The following ITGB1 variants were observed in gnomAD, a reference collection of about 807,000 sequenced individuals.
ITGB1 encodes integrin subunit beta 1, also known as integrin beta-1.
ITGB1 carries 24 observed loss-of-function variants against 86.5 expected under a neutral mutation model. That is an observed-to-expected ratio of 0.28 (90% CI 0.20 to 0.39). The LOEUF is 0.39. Ranked by LOEUF, ITGB1 falls within the 10% of genes least tolerant of loss-of-function variation. The probability of loss-of-function intolerance (pLI) is 1.00; values close to 1 mark genes in which losing one functional copy is unlikely to be tolerated. For synonymous variants in ITGB1, 323 were observed against 316.8 expected (o/e 1.02, Z -0.21); for missense variants, 556 against 946.9 (o/e 0.59, Z 5.42).
chr10:32,926,284 T>C (rs1400670227), intron 5 of ITGB1, among the ~76,000 whole-genome samples, 175 bp from the exon 6 acceptor site: 1 of 152,200 alleles, frequency 6.6e-6, no homozygotes, highest in African/African-American at 2.4e-5. Flanking sequence ...ATGATGGTAT[T>C]AGGAAGTGGT....
intron 6 of ITGB1, among the ~76,000 whole-genome samples, chr10:32,924,543 G>C (rs2503995): frequency 0.47 from 71,632 of 151,992 alleles, 19,384 homozygotes; most frequent in Non-Finnish European, 0.61. Context: ...TGATTCTTTT[G>C]CATCTAGAGG....
In ITGB1 at chr10:32,911,537, C is replaced by T; in HGVS notation, c.1842G>A (p.Glu614=). 4 of 1,614,170 alleles carry T rather than the reference C, an allele frequency of 2.5e-6. No individual in the cohort carries two copies. In the South Asian group the frequency reaches 3.3e-5, roughly 13 times the overall value. ...GQICNGRGIC[E]CGVCKCTDPK... is the part of the protein sequence containing the mutation. The stretch of plus-strand genomic sequence containing the variant: ...GATCTGTACACTTACAGACACCACA[C>T]TCGCAGATGCCCCGGCCATTGCAGA... Residue 614 remains glutamate, a synonymous_variant, in exon 13 of 16, where the codon GAG becomes GAA. Transcript: ENST00000302278.
At chr10:32,956,814 T>C (rs1319174912) in intron 1 of ITGB1, among the ~76,000 whole-genome samples, 1 of 152,250 alleles carries the variant, frequency 6.6e-6, no homozygotes, top group Non-Finnish European at 1.5e-5. Context: ...GAGATATTTT[T>C]AACATCTTTT....
At chr10:32,910,131 A>G (rs750620519) in intron 14 of ITGB1, 92 bp downstream of exon 14, 3 of 882,132 alleles carry the variant, frequency 3.4e-6, no homozygotes, top group Non-Finnish European at 5.3e-6. Flanking sequence ...AAAATATTCC[A>G]GCTGGAGGCT....
At chr10:32,953,319 A>G (rs1409987801) in intron 1 of ITGB1, among the ~76,000 whole-genome samples, 1 of 152,228 alleles carries the variant, frequency 6.6e-6, no homozygotes, top group Non-Finnish European at 1.5e-5. Flanking sequence ...ACTTGTTCCA[A>G]TTAGACAACA....
chr10:32,920,120 C>T (rs1278138029), intron 10 of ITGB1, 36 bp from the exon 11 acceptor site: 9 of 1,572,248 alleles, frequency 5.7e-6, no homozygotes, highest in Non-Finnish European at 7.8e-6. Context: ...ACCAACTAAA[C>T]AATTTAAATC....
At chr10:32,932,427 A>G in intron 3 of ITGB1, 88 bp downstream of exon 3, 1 of 775,334 alleles carries the variant, frequency 1.3e-6, no homozygotes, top group Non-Finnish European at 2.3e-6. Context: ...TTTACATAAA[A>G]ATTAATATGT....
intron 5 of ITGB1, among the ~76,000 whole-genome samples, 171 bp downstream of exon 5, chr10:32,927,923 A>G (rs2094970544): frequency 6.6e-6 from 1 of 152,228 alleles, no homozygotes; most frequent in South Asian, 2.1e-4. Context: ...GTGGCAGAAA[A>G]GATTATTAAA....
intron 1 of ITGB1, among the ~76,000 whole-genome samples, chr10:32,943,575 G>T (rs2095024172): frequency 6.6e-6 from 1 of 152,100 alleles, no homozygotes; most frequent in Admixed American, 6.5e-5. Flanking sequence ...GAGGTGAGAG[G>T]AGAGGGGACC....
In ITGB1 at chr10:32,948,667, C is replaced by T. The variant is rs560286849; in HGVS notation, c.-1+9478G>A. Among the ~76,000 whole-genome samples, 3 of 152,184 alleles carry T rather than the reference C, an allele frequency of 2.0e-5. No homozygotes were observed. In the East Asian group the frequency reaches 5.8e-4, roughly 29 times the overall value. On this transcript the variant is annotated intron_variant, in intron 1 of 15. Transcript: ENST00000302278. ...TGGAGAATGGGTTCCAGATAAAAGA[C>T]GGAGTTTGGCCTCCTTCTCTTCTCT...
chr10:32,935,848 C>T (rs2245844), intron 1 of ITGB1: 2 of 214,470 alleles, frequency 9.3e-6, no homozygotes, highest in African/African-American at 4.6e-5. Context: ...TAACAGCGCT[C>T]AAAAAAAAAA....
intron 4 of ITGB1, among the ~76,000 whole-genome samples, chr10:32,929,491 G>A (rs1396657838): frequency 6.6e-6 from 1 of 152,156 alleles, no homozygotes; most frequent in East Asian, 1.9e-4. Flanking sequence ...AAAAGAACAG[G>A]TTAAAATGTT....
chr10:32,918,356 G>T lies in ITGB1; in HGVS notation c.1469+1529C>A, dbSNP rs11009144. Among the ~76,000 whole-genome samples the T allele has an allele frequency of 4.0e-3, 602 of 150,378 alleles. 11 individuals are homozygous for T. The East Asian group carries it at 0.053, about 13-fold the overall frequency. ...ATTAAAGTATAATAAAAAAGAAGAA[G>T]AATCATCTTGGAGGGAATAATAATA... On this transcript the variant is annotated intron_variant, in intron 11 of 15. Coordinates refer to ENST00000302278, the MANE Select transcript of ITGB1 (RefSeq NM_002211.4).
intron 14 of ITGB1, among the ~76,000 whole-genome samples, chr10:32,909,242 G>T (rs949328532): frequency 6.6e-6 from 1 of 152,068 alleles, no homozygotes; most frequent in Non-Finnish European, 1.5e-5. Flanking sequence ...GTTCAACAAA[G>T]GTGGAGAAAA....
chr10:32,909,979 G>A (rs762048994), intron 14 of ITGB1, among the ~76,000 whole-genome samples: 8 of 152,026 alleles, frequency 5.3e-5, no homozygotes, highest in Admixed American at 5.2e-4. Context: ...ATCACTAAGC[G>A]TCTTATATAA....
chr10:32,936,050 A>G (rs892233025), intron 1 of ITGB1: 7 of 152,466 alleles, frequency 4.6e-5, no homozygotes, highest in African/African-American at 1.7e-4. Context: ...GCGCTTCATC[A>G]GTTTTTATTT....
Position 32,923,636 on chromosome 10 carries a change from A to G in ITGB1, c.891T>C (p.Asn297=). The change falls in exon 7 of 16, where the codon AAT becomes AAC. Residue 297 remains asparagine (N), a synonymous_variant. Coordinates refer to ENST00000302278, the MANE Select transcript of ITGB1 (RefSeq NM_002211.4). ...TATTTTCCAGGTGACATTGTCCATCATTTGGTAAAACAATGCCACCAAGTT... is the reference window on the plus strand; with the variant it reads ...TATTTTCCAGGTGACATTGTCCATCGTTTGGTAAAACAATGCCACCAAGTT... ...DGKLGGIVLP[N]DGQCHLENNM... The G allele has an allele frequency of 1.9e-6, 3 of 1,613,886 alleles. No individual in the cohort carries two copies. The highest frequency in any genetic ancestry group is 2.5e-6 in the Non-Finnish European group (3 of 1,179,826).
At chr10:32,957,499 C>T (rs979478703) in intron 1 of ITGB1, among the ~76,000 whole-genome samples, 4 of 152,158 alleles carry the variant, frequency 2.6e-5, no homozygotes, top group Admixed American at 2.6e-4. Context: ...ACTGCACTGC[C>T]GCCACCGCAC....
intron 3 of ITGB1, among the ~76,000 whole-genome samples, chr10:32,930,767 G>A (rs1454111078): frequency 1.3e-5 from 2 of 152,106 alleles, no homozygotes; most frequent in African/African-American, 4.8e-5. Flanking sequence ...GCAGGTGAAT[G>A]GATATTTGCA....
Sources: allele counts gnomAD v4.1 joint callset (sites outside exome capture counted in the v4.1 genomes callset), GRCh38; gene constraint gnomAD v4.1.1; transcripts MANE v1.5; gene names NCBI Gene and HGNC (gene_info 2026-07-23, HGNC 2026-07-21).